LRRC53: variants seen among roughly 807,000 people sequenced by gnomAD.
LRRC53 encodes the protein leucine-rich repeat-containing protein 53.
Under a neutral mutation model 13.6 loss-of-function variants are expected in LRRC53, and 25 were observed. The observed-to-expected ratio is 1.83, with a 90% CI of 1.34 to 2.56. The LOEUF (loss-of-function observed/expected upper bound fraction) is 2.56, where lower values mean the gene tolerates loss of function less well. Among genes scored for constraint, LRRC53 ranks in the 30% most tolerant of loss-of-function variants. The probability of loss-of-function intolerance (pLI) is 0.00; values close to 1 mark genes in which losing one functional copy is unlikely to be tolerated. For synonymous variants in LRRC53, 204 were observed against 109.8 expected (o/e 1.86, Z -5.37); for missense variants, 527 against 275.8 (o/e 1.91, Z -6.45).
At chr1:74,474,516 T>A (rs1434468492) in intron 4 of LRRC53, among the ~76,000 whole-genome samples, 3 of 152,182 alleles carry the variant, frequency 2.0e-5, no homozygotes, top group South Asian at 4.1e-4. Flanking sequence ...ATACAGCACC[T>A]CTGTCATTCA....
At chr1:74,493,018 A>G (rs913999569) in intron 1 of LRRC53, among the ~76,000 whole-genome samples, 1 of 152,088 alleles carries the variant, frequency 6.6e-6, no homozygotes, top group South Asian at 2.1e-4. Context: ...CACCAACTCT[A>G]CTGGATCAGG....
chr1:74,476,096 G>C (rs534964345), intron 3 of LRRC53, among the ~76,000 whole-genome samples: 1 of 152,214 alleles, frequency 6.6e-6, no homozygotes, highest in Admixed American at 6.5e-5. Flanking sequence ...ACTCATTTAA[G>C]ATAAAACAGT....
chr1:74,489,815 G>T (rs1241163521), intron 1 of LRRC53, among the ~76,000 whole-genome samples: 1 of 152,056 alleles, frequency 6.6e-6, no homozygotes, highest in Admixed American at 6.6e-5. Context: ...CTGGTCAAGA[G>T]ATAGCATTTC....
chr1:74,522,870 A>G, the LRRC53 span, among the ~76,000 whole-genome samples: 2 of 152,202 alleles, frequency 1.3e-5, no homozygotes, highest in Admixed American at 1.3e-4. Context: ...GTGAACACAT[A>G]AAATCCAGCA....
At chr1:74,475,115 C>CT in intron 4 of LRRC53, among the ~76,000 whole-genome samples, 180 bp downstream of exon 4, 1 of 131,520 alleles carries the variant, frequency 7.6e-6, no homozygotes, top group East Asian at 2.4e-4. Flanking sequence ...TCCACCTCAG[C>CT]CCACACACAC....
At chr1:74,524,999 A>G in the LRRC53 span, among the ~76,000 whole-genome samples, 2 of 152,334 alleles carry the variant, frequency 1.3e-5, no homozygotes, top group East Asian at 3.9e-4. Context: ...ATTCAATTAT[A>G]TAGTAAGTAT....
chr1:74,522,417 G>T, the LRRC53 span, among the ~76,000 whole-genome samples: 116 of 152,158 alleles, frequency 7.6e-4, no homozygotes, highest in South Asian at 3.5e-3. Flanking sequence ...TTTCAGCTTG[G>T]TGTCTCATAT....
the LRRC53 span, among the ~76,000 whole-genome samples, chr1:74,520,263 A>G: frequency 6.6e-6 from 1 of 152,140 alleles, no homozygotes; most frequent in Non-Finnish European, 1.5e-5. Flanking sequence ...AATTGACTCA[A>G]CTGGAATCTT....
intron 3 of LRRC53, among the ~76,000 whole-genome samples, chr1:74,477,536 C>T (rs1223175519): frequency 1.3e-5 from 2 of 151,964 alleles, no homozygotes; most frequent in Non-Finnish European, 2.9e-5. Context: ...GTTAGTAGAC[C>T]AAATAATGAA....
At chr1:74,497,715 A>G (rs1478636310) in intron 1 of LRRC53, among the ~76,000 whole-genome samples, 5 of 152,116 alleles carry the variant, frequency 3.3e-5, no homozygotes, top group Non-Finnish European at 7.4e-5. Flanking sequence ...CTCCTGTTCC[A>G]GCTTCCTCAT....
intron 1 of LRRC53, among the ~76,000 whole-genome samples, chr1:74,491,833 G>A (rs1669092722): frequency 6.6e-6 from 1 of 152,144 alleles, no homozygotes; most frequent in Non-Finnish European, 1.5e-5. Flanking sequence ...TTATGAATCT[G>A]AGTTGGGCCT....
chr1:74,502,985 G>T lies in LRRC53; in HGVS notation c.-27+9541C>A, dbSNP rs186682324. On this transcript the variant is annotated intron_variant, in intron 1 of 4. Transcript: ENST00000294635. The stretch of plus-strand genomic sequence containing the variant: ...TAGGAACTTAACTGAAGTGACACTT[G>T]TGGACTAGCTTTGAGGATAGCTCTA... Among the ~76,000 whole-genome samples the T allele has an allele frequency of 7.2e-5, 11 of 152,324 alleles. No homozygotes were observed. In the East Asian group the frequency reaches 7.7e-4, roughly 11 times the overall value.
the LRRC53 span, among the ~76,000 whole-genome samples, chr1:74,530,973 A>G: frequency 6.6e-6 from 1 of 152,160 alleles, no homozygotes; most frequent in African/African-American, 2.4e-5. Context: ...TTAAGTTCTC[A>G]CTGCATTTTT....
intron 1 of LRRC53, among the ~76,000 whole-genome samples, chr1:74,491,730 A>G (rs1407904557): frequency 1.3e-5 from 2 of 152,238 alleles, no homozygotes; most frequent in African/African-American, 4.8e-5. Flanking sequence ...AATTTTAGCT[A>G]TGATTTAAAG....
chr1:74,529,136 T>C, the LRRC53 span, among the ~76,000 whole-genome samples: 2 of 152,364 alleles, frequency 1.3e-5, no homozygotes, highest in South Asian at 4.1e-4. Context: ...AGAATATTTA[T>C]ATAGTCTCAA....
At chr1:74,534,876 G>A in the LRRC53 span, among the ~76,000 whole-genome samples, 20 of 152,266 alleles carry the variant, frequency 1.3e-4, no homozygotes, top group African/African-American at 4.6e-4. Flanking sequence ...TGGAAATGTA[G>A]TTCCTCCTTT....
intron 1 of LRRC53, among the ~76,000 whole-genome samples, chr1:74,503,236 AT>A (rs1414390966): frequency 1.3e-5 from 2 of 152,222 alleles, no homozygotes; most frequent in African/African-American, 4.8e-5. Context: ...ACTCTTTCTC[AT>A]GCATAAATAC....
rs190680597 is a variant in LRRC53, at chr1:74,489,169, G to T, written c.-26-5794C>A. ...TTCCTTTTATTCTTAAGGGAAAAAA[G>T]TTCTTTTTTCTATTTACAGGGAAGA... On this transcript the variant is annotated intron_variant, in intron 1 of 4. Coordinates refer to ENST00000294635, the MANE Select transcript of LRRC53 (RefSeq NM_001382280.1). 1 of 1,598,222 alleles carries T rather than the reference G, an allele frequency of 6.3e-7. No homozygotes were observed. Among genetic ancestry groups the T allele is most frequent in the African/African-American group, 1.4e-5 (1 of 70,988 alleles).
In LRRC53 at chr1:74,470,283, C is replaced by T; in HGVS notation, c.3339G>A (p.Gln1113=). The change falls in exon 5 of 5, where the codon CAG becomes CAA. Residue 1113 remains glutamine, a synonymous_variant. Transcript: ENST00000294635. ...CACTTGTTCCATTTTCCCAAGTTTG[C>T]TGCCTTTCTTTTGTGATGCCTTTTA... ...MTLKGITKER[Q]QTWENGTSEK... The T allele has an allele frequency of 2.5e-6, 1 of 400,652 alleles. No homozygotes were observed. The highest frequency in any genetic ancestry group is 2.0e-5 in the African/African-American group (1 of 48,812). 24.8% of individuals were successfully genotyped at this position (400,652 alleles called of 1,614,324 possible).
Sources: allele counts gnomAD v4.1 joint callset (sites outside exome capture counted in the v4.1 genomes callset), GRCh38; gene constraint gnomAD v4.1.1; transcripts MANE v1.5; gene names NCBI Gene and HGNC (gene_info 2026-07-23, HGNC 2026-07-21).